Variants in PPP1R16B observed in about 807,000 individuals in gnomAD.
PPP1R16B encodes protein phosphatase 1 regulatory inhibitor subunit 16B.
In PPP1R16B, 14 loss-of-function variants were observed where a neutral mutation model predicts 61.7. The observed-to-expected ratio is 0.23, with a 90% CI of 0.15 to 0.35. PPP1R16B has a LOEUF of 0.35. Ranked by LOEUF, PPP1R16B falls within the 10% of genes least tolerant of loss-of-function variation. The pLI, the probability that PPP1R16B is intolerant of heterozygous loss-of-function variation, is 1.00. For missense variants in PPP1R16B, 547 were observed against 752.5 expected, an observed-to-expected ratio of 0.73 and a Z score of 3.19; for synonymous variants, 266 against 305.3, an observed-to-expected ratio of 0.87 and a Z score of 1.34.
At chr20:38,917,201 C>T (rs1163428401) in intron 10 of PPP1R16B, among the ~76,000 whole-genome samples, 2 of 150,832 alleles carry the variant, frequency 1.3e-5, no homozygotes, top group African/African-American at 4.9e-5. Flanking sequence ...GAGGCTGAGG[C>T]AGGAGAATTG....
Position 38,889,680 on chromosome 20 carries a change from G to A in PPP1R16B, c.321+15G>A, listed in dbSNP as rs373616223. ...CCCTACACCAGGTAAGGCCGGGCTC[G>A]TTGGGGCTCCAGGGCTCCCTGCCCC... On this transcript the variant is annotated intron_variant, in intron 3 of 10. Coordinates refer to ENST00000299824, the MANE Select transcript of PPP1R16B (RefSeq NM_015568.4). 1.0e-4 allele frequency: 161 copies of A among 1,565,072 alleles called. No individual in the cohort carries two copies. Among genetic ancestry groups the A allele is most frequent in the African/African-American group, 1.4e-4 (10 of 73,752 alleles).
intron 1 of PPP1R16B, among the ~76,000 whole-genome samples, chr20:38,808,923 C>T (rs914692530): frequency 6.6e-6 from 1 of 152,044 alleles, no homozygotes; most frequent in African/African-American, 2.4e-5. Context: ...GTCCTAGCTA[C>T]TTGGGAGGCT....
In PPP1R16B at chr20:38,907,108, A is replaced by T. The variant is rs45553137; in HGVS notation, c.898+54A>T. 3.2e-3 allele frequency: 4,432 copies of T among 1,391,694 alleles called. 24 individuals are homozygous for T. The highest frequency in any genetic ancestry group is 5.7e-3 in the South Asian group (492 of 86,284). 86.2% of individuals were successfully genotyped at this position (1,391,694 alleles called of 1,614,324 possible). A position where few individuals can be genotyped will look rare whatever the true frequency, so the allele number is the denominator to read the frequency against. Reference sequence around the variant, plus strand: ...CAAATAGGCAGTTATCAATGTTTTGATGGGTAGAGGGAGAAATAGATAAAT... The same window carrying T: ...CAAATAGGCAGTTATCAATGTTTTGTTGGGTAGAGGGAGAAATAGATAAAT... On this transcript the variant is annotated intron_variant, in intron 8 of 10. Coordinates refer to ENST00000299824, the MANE Select transcript of PPP1R16B (RefSeq NM_015568.4). This position sits in a 1 kb window ranked among gnomAD's most constrained non-coding sequence, Gnocchi z 4.5.
intron 2 of PPP1R16B, among the ~76,000 whole-genome samples, chr20:38,854,603 G>C (rs925190699): frequency 3.9e-5 from 6 of 152,328 alleles, no homozygotes; most frequent in African/African-American, 1.4e-4. Flanking sequence ...TGAAGGTTAA[G>C]AATATGGAGT....
At chr20:38,853,081 C>A (rs557767344) in intron 2 of PPP1R16B, among the ~76,000 whole-genome samples, 34 of 152,044 alleles carry the variant, frequency 2.2e-4, no homozygotes, top group Non-Finnish European at 4.6e-4. Flanking sequence ...CCCACTGTTT[C>A]CTTTCTAATC....
intron 2 of PPP1R16B, among the ~76,000 whole-genome samples, chr20:38,855,935 T>G (rs450386): frequency 0.067 from 2,901 of 43,544 alleles, 82 homozygotes; most frequent in Non-Finnish European, 0.09. Flanking sequence ...TATATATATA[T>G]ATATATATAG....
intron 1 of PPP1R16B, among the ~76,000 whole-genome samples, chr20:38,827,702 G>A (rs1240909803): frequency 6.6e-6 from 1 of 152,178 alleles, no homozygotes; most frequent in Non-Finnish European, 1.5e-5. Flanking sequence ...ATGAGATTAG[G>A]GGAGACAACA....
chr20:38,812,261 G>C (rs1406092672), intron 1 of PPP1R16B, among the ~76,000 whole-genome samples: 1 of 152,184 alleles, frequency 6.6e-6, no homozygotes, highest in East Asian at 1.9e-4. Flanking sequence ...TCTTTATCTG[G>C]AAAGTAGGCT....
rs1399331762 is a variant in PPP1R16B, at chr20:38,836,168, C to T, written c.243C>T (p.Ala81=). 7 of 1,609,420 alleles carry T rather than the reference C, an allele frequency of 4.3e-6. No individual in the cohort carries two copies. Among genetic ancestry groups the T allele is most frequent in the Admixed American group, 3.3e-5 (2 of 59,940 alleles). The change falls in exon 2 of 11, where the codon GCC becomes GCT. Residue 81 remains alanine (A), a synonymous_variant. Transcript: ENST00000299824. ...TGGAGGCCTCGCTGAGGAACGACGC[C>T]GAGGAAGGTAGGCCCCTCTGTGCCT... ...ALLEASLRND[A]EEVRYFLKNK...
rs2085588812 is a variant in PPP1R16B at position 38,920,667 on chromosome 20, G to A, written c.*2001G>A. ...CTGCACCCTTGGTGGCTGCTGGAAG[G>A]GGAGAGGTTCTCAGCATCAGGCCAC... On this transcript the variant is annotated 3_prime_UTR_variant, in exon 11 of 11. Transcript: ENST00000299824. The A allele has an allele frequency of 6.6e-6, 1 of 152,426 alleles. No homozygotes were observed. Among genetic ancestry groups the A allele is most frequent in the Non-Finnish European group, 1.5e-5 (1 of 68,236 alleles). 9.4% of individuals were successfully genotyped at this position (152,426 alleles called of 1,614,324 possible). A position where few individuals can be genotyped will look rare whatever the true frequency, so the allele number is the denominator to read the frequency against.
At chr20:38,908,655 C>T (rs1286887704) in intron 10 of PPP1R16B, among the ~76,000 whole-genome samples, 1 of 152,184 alleles carries the variant, frequency 6.6e-6, no homozygotes, top group Non-Finnish European at 1.5e-5. Flanking sequence ...GGAGTAGGAT[C>T]CTAGTAGGAC....
intron 4 of PPP1R16B, among the ~76,000 whole-genome samples, chr20:38,898,423 C>T (rs573893244): frequency 6.6e-6 from 1 of 152,074 alleles, no homozygotes; most frequent in Non-Finnish European, 1.5e-5. Flanking sequence ...AGTGTGAATC[C>T]GCCAGCTTTG....
In PPP1R16B at chr20:38,921,897, G is replaced by A. The variant is rs1490443994; in HGVS notation, c.*3231G>A. 1.3e-5 allele frequency: 2 copies of A among 152,232 alleles called. No individual in the cohort carries two copies. The highest frequency in any genetic ancestry group is 2.9e-5 in the Non-Finnish European group (2 of 68,046). The allele number at this position is 152,232 out of a possible 1,614,324, so 9.4% of individuals were successfully genotyped here. A position where few individuals can be genotyped will look rare whatever the true frequency, so the allele number is the denominator to read the frequency against. Reference sequence around the variant, plus strand: ...GGGAATCTGCCTCCCTCCATGGCAGGGGTGGATTCGGGAGCTGGGAGTAAC... The same window carrying A: ...GGGAATCTGCCTCCCTCCATGGCAGAGGTGGATTCGGGAGCTGGGAGTAAC... On this transcript the variant is annotated 3_prime_UTR_variant, in exon 11 of 11. Coordinates refer to ENST00000299824, the MANE Select transcript of PPP1R16B (RefSeq NM_015568.4).
Position 38,922,278 on chromosome 20 carries a change from CAT to C in PPP1R16B, c.*3614_*3615del, listed in dbSNP as rs1468320810. ...CACCGGTTTGCTGGCTTTGTAATAA[CAT>C]AAGACCATTGTGGTTGTTGGTGTCA... is the stretch of plus-strand genomic sequence containing the variant. On this transcript the variant is annotated 3_prime_UTR_variant, in exon 11 of 11. Coordinates refer to ENST00000299824, the MANE Select transcript of PPP1R16B (RefSeq NM_015568.4). The C allele has an allele frequency of 2.6e-5, 4 of 152,836 alleles. No individual in the cohort carries two copies. Among genetic ancestry groups the C allele is most frequent in the Admixed American group, 6.5e-5 (1 of 15,302 alleles). The allele number at this position is 152,836 out of a possible 1,614,324, so 9.5% of individuals were successfully genotyped here.
At chr20:38,893,454 A>G (rs1412695300) in intron 3 of PPP1R16B, among the ~76,000 whole-genome samples, 2 of 152,184 alleles carry the variant, frequency 1.3e-5, no homozygotes, top group African/African-American at 2.4e-5. Flanking sequence ...GGTGTTAGGA[A>G]GGGGAATGAC....
chr20:38,842,327 TA>T (rs1315445841), intron 2 of PPP1R16B, among the ~76,000 whole-genome samples: 1 of 152,196 alleles, frequency 6.6e-6, no homozygotes, highest in Non-Finnish European at 1.5e-5. Context: ...GCCCCCAAGA[TA>T]AACTCTTTAG....
intron 2 of PPP1R16B, among the ~76,000 whole-genome samples, chr20:38,857,591 G>A (rs186745158): frequency 6.6e-6 from 1 of 152,166 alleles, no homozygotes; most frequent in Non-Finnish European, 1.5e-5. Flanking sequence ...TAGATAGATC[G>A]GTAGGTAGGT....
At chr20:38,831,874 T>C (rs982676367) in intron 1 of PPP1R16B, among the ~76,000 whole-genome samples, 1 of 152,252 alleles carries the variant, frequency 6.6e-6, no homozygotes, top group Non-Finnish European at 1.5e-5. Flanking sequence ...CACAAGTGGC[T>C]CATCACTGCC....
intron 1 of PPP1R16B, among the ~76,000 whole-genome samples, chr20:38,811,782 AG>A (rs1426698308): frequency 6.6e-6 from 1 of 152,208 alleles, no homozygotes; most frequent in Admixed American, 6.5e-5. Context: ...AGTAGACACC[AG>A]GGGTGCTGCT....
Sources: allele counts gnomAD v4.1 joint callset (sites outside exome capture counted in the v4.1 genomes callset), GRCh38; gene constraint gnomAD v4.1.1; non-coding constraint Gnocchi (gnomAD v3.1); transcripts MANE v1.5; gene names NCBI Gene and HGNC (gene_info 2026-07-23, HGNC 2026-07-21).